The following MLIP variants were observed in gnomAD, a reference collection of about 807,000 sequenced individuals.
MLIP encodes the protein muscular LMNA-interacting protein.
In MLIP, 79 loss-of-function variants were observed where a neutral mutation model predicts 84.8. The observed-to-expected ratio is 0.93, with a 90% confidence interval of 0.78 to 1.12. The LOEUF (loss-of-function observed/expected upper bound fraction) is 1.12. Among genes scored for constraint, MLIP ranks in the 50% most tolerant of loss-of-function variants. The probability of loss-of-function intolerance (pLI) is 0.00; values close to 1 mark genes in which losing one functional copy is unlikely to be tolerated. For synonymous variants in MLIP, 504 were observed against 463.0 expected (o/e 1.09, Z -1.14); for missense variants, 1,257 against 1,160.6 (o/e 1.08, Z -1.21).
chr6:54,167,227 C>T lies in MLIP; in HGVS notation c.2500-2301C>T, dbSNP rs117598580. Among the ~76,000 whole-genome samples, 34 of 152,000 alleles carry T rather than the reference C, an allele frequency of 2.2e-4. No individual in the cohort carries two copies. The East Asian group carries it at 4.1e-3, about 18-fold the overall frequency. On this transcript the variant is annotated intron_variant, in intron 8 of 13. Transcript: ENST00000502396. ...CTCTATTTAAAACCAGAAGTGCTTACGCATTTCAAACCTCAGAATATAAGC... is the reference window on the plus strand; with the variant it reads ...CTCTATTTAAAACCAGAAGTGCTTATGCATTTCAAACCTCAGAATATAAGC...
At chr6:54,022,378 T>C (rs1763544122) in intron 1 of MLIP, among the ~76,000 whole-genome samples, 1 of 152,260 alleles carries the variant, frequency 6.6e-6, no homozygotes, top group African/African-American at 2.4e-5. Flanking sequence ...CAGTGTTCTC[T>C]GCAACATATC....
intron 1 of MLIP, 23 bp downstream of exon 1, chr6:54,111,598 T>C: frequency 1.3e-6 from 2 of 1,535,694 alleles, no homozygotes; most frequent in East Asian, 2.4e-5. Flanking sequence ...CTTTGCTTAA[T>C]GCTTTCAGTA....
chr6:54,019,183 G>A (rs1191228464), intron 1 of MLIP: 2 of 1,327,344 alleles, frequency 1.5e-6, no homozygotes, highest in East Asian at 4.7e-5. Context: ...GTGCTAGCCG[G>A]CCTCTGTTTC....
rs1241676824 is a variant in MLIP at position 54,233,354 on chromosome 6, GTGTGTGATGTTCCCCTCTC to G, written c.2922+2443_2922+2461del. Among the ~76,000 whole-genome samples, 6 of 148,566 alleles carry G rather than the reference GTGTGTGATGTTCCCCTCTC, an allele frequency of 4.0e-5. No homozygotes were observed. In the East Asian group the frequency reaches 1.2e-3, roughly 30 times the overall value. ...GCCCCCCACCCCCCAACAGGCCCCA[GTGTGTGATGTTCCCCTCTC>G]TGTGTCCATGTGTTTTCATTGTTCA... On this transcript the variant is annotated intron_variant, in intron 12 of 13. Transcript: ENST00000502396.
At chr6:54,089,314 C>T (rs946207847) in intron 1 of MLIP, among the ~76,000 whole-genome samples, 3 of 151,960 alleles carry the variant, frequency 2.0e-5, no homozygotes, top group East Asian at 1.9e-4. Context: ...TAAATTCCAC[C>T]GGGAATTACC....
In MLIP at chr6:54,124,719, A is replaced by G; in HGVS notation, c.499A>G (p.Thr167Ala). The G allele has an allele frequency of 2.5e-6, 4 of 1,614,194 alleles. No individual in the cohort carries two copies. Among genetic ancestry groups the G allele is most frequent in the Non-Finnish European group, 3.4e-6 (4 of 1,180,034 alleles). Residue 167 changes from threonine (T) to alanine (A), a missense_variant, in exon 3 of 14, where the codon ACC (threonine) becomes GCC (alanine). Physicochemically the swap from Thr to Ala is moderately conservative, Grantham distance 58. Transcript: ENST00000502396. ...VEQGPPGGIG[T>A]AAVRPKSLAI... ...ACAAGGCCCCCCAGGGGGGATTGGCACCGCAGCTGTCCGGCCCAAGTCTCT... is the reference window on the plus strand; with the variant it reads ...ACAAGGCCCCCCAGGGGGGATTGGCGCCGCAGCTGTCCGGCCCAAGTCTCT...
intron 1 of MLIP, among the ~76,000 whole-genome samples, chr6:54,026,871 T>C (rs140113558): frequency 2.0e-5 from 3 of 152,278 alleles, no homozygotes; most frequent in East Asian, 3.9e-4. Context: ...GTTGTGCTTG[T>C]ATGGCTTTGA....
intron 10 of MLIP, among the ~76,000 whole-genome samples, chr6:54,190,236 G>C (rs765682851): frequency 7.2e-5 from 11 of 152,136 alleles, no homozygotes; most frequent in Non-Finnish European, 2.9e-5. Context: ...GATCTAAAAA[G>C]AGTTTAAGGA....
At chr6:54,154,999 A>T (rs1405880921) in intron 5 of MLIP, among the ~76,000 whole-genome samples, 1 of 152,242 alleles carries the variant, frequency 6.6e-6, no homozygotes, top group East Asian at 1.9e-4. Flanking sequence ...AACTGGTTGG[A>T]ATGGTTTGCA....
intron 9 of MLIP, 43 bp from the exon 10 acceptor site, chr6:54,189,827 A>C: frequency 1.4e-6 from 2 of 1,421,112 alleles, no homozygotes; most frequent in Non-Finnish European, 9.9e-7. Context: ...TATTTTAATA[A>C]ATTATGAGTT....
At chr6:54,191,708 A>C (rs552302796) in intron 10 of MLIP, among the ~76,000 whole-genome samples, 2 of 152,318 alleles carry the variant, frequency 1.3e-5, no homozygotes, top group Non-Finnish European at 2.9e-5. Flanking sequence ...GTTGCCATGG[A>C]AACAAGCACT....
intron 2 of MLIP, among the ~76,000 whole-genome samples, chr6:54,122,837 G>T (rs531036387): frequency 6.6e-6 from 1 of 152,082 alleles, no homozygotes; most frequent in Non-Finnish European, 1.5e-5. Context: ...TCTGCTGATT[G>T]CAATGATATA....
intron 1 of MLIP, among the ~76,000 whole-genome samples, chr6:54,075,215 C>A (rs1189861054): frequency 6.9e-6 from 1 of 144,536 alleles, no homozygotes; most frequent in Non-Finnish European, 1.5e-5. Flanking sequence ...CCATTGCACT[C>A]CAGCCTAGGC....
At chr6:54,121,727 A>T (rs1003357404) in intron 2 of MLIP, 125 bp downstream of exon 2, 11 of 698,324 alleles carry the variant, frequency 1.6e-5, no homozygotes, top group Non-Finnish European at 2.5e-5. Flanking sequence ...AGTTTGACTA[A>T]AAATATAATA....
At chr6:54,237,865 CA>C (rs1359527583) in intron 12 of MLIP, among the ~76,000 whole-genome samples, 1 of 151,848 alleles carries the variant, frequency 6.6e-6, no homozygotes, top group Non-Finnish European at 1.5e-5. Flanking sequence ...CAAACAAAAA[CA>C]AAATAAAAGT....
At chr6:54,253,435 A>T (rs759680518) in intron 12 of MLIP, among the ~76,000 whole-genome samples, 5 of 152,124 alleles carry the variant, frequency 3.3e-5, no homozygotes, top group African/African-American at 9.7e-5. Flanking sequence ...AAATGTTAAA[A>T]CTTCCCGTAA....
At chr6:54,265,111 G>T (rs1783611315) in intron 13 of MLIP, among the ~76,000 whole-genome samples, 1 of 152,008 alleles carries the variant, frequency 6.6e-6, no homozygotes, top group Non-Finnish European at 1.5e-5. Flanking sequence ...CATTTCGGAA[G>T]GTTCCCATGT....
chr6:54,193,616 T>C (rs1407019231), intron 10 of MLIP, among the ~76,000 whole-genome samples: 2 of 152,154 alleles, frequency 1.3e-5, no homozygotes, highest in Non-Finnish European at 2.9e-5. Context: ...ACTGGAAGCA[T>C]TACTTTCACT....
chr6:54,090,623 TTCTA>T (rs780411350), intron 1 of MLIP, among the ~76,000 whole-genome samples: 5 of 151,922 alleles, frequency 3.3e-5, no homozygotes, highest in Non-Finnish European at 7.4e-5. Flanking sequence ...GTGCACGGCA[TTCTA>T]TCTATGTTAA....
Sources: gnomAD v4.1 joint callset for allele counts (sites outside exome capture counted in the v4.1 genomes callset) on GRCh38, gnomAD v4.1.1 for gene constraint, MANE v1.5 for transcripts, NCBI Gene and HGNC (gene_info 2026-07-23, HGNC 2026-07-21) for gene names.